Variants in COG4 observed in about 807,000 individuals in gnomAD.
The protein encoded by COG4 is component of oligomeric golgi complex 4, also known as conserved oligomeric Golgi complex subunit 4.
A neutral mutation model predicts 95.1 loss-of-function variants in COG4; 65 were observed. The ratio of observed to expected loss-of-function variants is 0.68; its 90% confidence interval spans 0.56 to 0.84. The LOEUF is 0.84. Among genes scored for constraint, COG4 ranks in the 40% least tolerant of loss-of-function variants. The pLI is 0.00. For missense variants in COG4, 1,045 were observed against 989.1 expected, an observed-to-expected ratio of 1.06 and a Z score of -0.76; for synonymous variants, 421 against 374.8, an observed-to-expected ratio of 1.12 and a Z score of -1.42.
intron 14 of COG4, 106 bp downstream of exon 14, chr16:70,483,747 C>T: frequency 2.2e-6 from 2 of 889,344 alleles, no homozygotes; most frequent in Non-Finnish European, 1.9e-6. Context: ...CGTGCTGCTC[C>T]CTCACCCGTC....
At position 70,506,582 on chromosome 16, in the gene COG4, C is replaced by T. The variant is rs557865668; in HGVS notation, c.1061+1824G>A. 6.2e-4 allele frequency among the ~76,000 whole-genome samples: 62 copies of T among 99,468 alleles called. 1 individual carries two copies. Among genetic ancestry groups the T allele is most frequent in the African/African-American group, 2.0e-3 (49 of 24,058 alleles). The allele number at this position is 99,468 out of a possible 152,430, so 65.3% of individuals were successfully genotyped here. ...CTGCACTCCAGCCTGGGCAACAGAG[C>T]GAGACTGCCTCAAAAAAAAAAAAAA... On this transcript the variant is annotated intron_variant, in intron 8 of 18. Transcript: ENST00000323786.
intron 13 of COG4, among the ~76,000 whole-genome samples, chr16:70,489,918 AG>A (rs1440507104): frequency 6.6e-6 from 1 of 152,108 alleles, no homozygotes; most frequent in Non-Finnish European, 1.5e-5. Flanking sequence ...CCCGGGTTCA[AG>A]TGATTCTCCT....
chr16:70,502,533 G>A (rs1230565136), intron 8 of COG4, among the ~76,000 whole-genome samples: 2 of 151,600 alleles, frequency 1.3e-5, no homozygotes, highest in South Asian at 2.1e-4. Context: ...CCCGAGAGGC[G>A]GAGGTTGCAG....
chr16:70,487,305 A>T (rs1363796585), intron 13 of COG4, among the ~76,000 whole-genome samples: 1 of 151,444 alleles, frequency 6.6e-6, no homozygotes, highest in African/African-American at 2.4e-5. Flanking sequence ...ATAAAAAAAA[A>T]AAAAGACAAG....
chr16:70,513,332 A>G (rs1421292709), intron 4 of COG4, among the ~76,000 whole-genome samples: 1 of 152,234 alleles, frequency 6.6e-6, no homozygotes, highest in South Asian at 2.1e-4. Context: ...TGAGTAGGCA[A>G]TATGGCCAAG....
At chr16:70,518,175 G>C (rs2151764587) in intron 2 of COG4, among the ~76,000 whole-genome samples, 1 of 152,164 alleles carries the variant, frequency 6.6e-6, no homozygotes, top group South Asian at 2.1e-4. Context: ...TTGTGATTCA[G>C]CCTCCCAAAG....
intron 8 of COG4, among the ~76,000 whole-genome samples, chr16:70,503,618 G>A (rs1487596451): frequency 4.6e-5 from 5 of 109,756 alleles, no homozygotes; most frequent in Admixed American, 1.6e-4. Context: ...TTTTTGAGAC[G>A]GAGTCTCACT....
At chr16:70,502,108 C>A (rs1328211264) in intron 8 of COG4, among the ~76,000 whole-genome samples, 3 of 149,756 alleles carry the variant, frequency 2.0e-5, no homozygotes, top group Non-Finnish European at 3.0e-5. Context: ...ATGGTGAAAC[C>A]CCATTTCTAC....
intron 8 of COG4, among the ~76,000 whole-genome samples, chr16:70,501,761 C>T (rs933306738): frequency 6.6e-6 from 1 of 152,040 alleles, no homozygotes; most frequent in African/African-American, 2.4e-5. Context: ...AAGTGAGTCT[C>T]ATGCCTTGGC....
Position 70,514,388 on chromosome 16 carries a change from C to T in COG4, c.491G>A (p.Arg164His), listed in dbSNP as rs1327159277. ...GACCGACTTGTCCAGGCACAAGTAG[C>T]GATGAGTATGTGCTGCAGCCTGCTC... is the stretch of plus-strand genomic sequence containing the variant. ...DYEQAAAHTH[R>H]YLCLDKSVIE... Residue 164 changes from arginine to histidine, a missense_variant, in exon 4 of 19, where the codon CGC (arginine) becomes CAC (histidine). Arg to His is a conservative substitution (Grantham distance 29). Coordinates refer to ENST00000323786, the MANE Select transcript of COG4 (RefSeq NM_015386.3). 5 of 1,614,032 alleles carry T rather than the reference C, an allele frequency of 3.1e-6. No homozygotes were observed. The highest frequency in any genetic ancestry group is 1.7e-5 in the Admixed American group (1 of 59,992).
At position 70,490,321 on chromosome 16, in the gene COG4, C is replaced by T. The variant is rs1444567709; in HGVS notation, c.1710+9G>A. On this transcript the variant is annotated intron_variant, in intron 13 of 18. Transcript: ENST00000323786. ...GCTGCTGACCACTGATAGGCAATTTCCCTCGTACCTCCAGTGTCTTCTTCA... is the reference window on the plus strand; with the variant it reads ...GCTGCTGACCACTGATAGGCAATTTTCCTCGTACCTCCAGTGTCTTCTTCA... The T allele has an allele frequency of 6.2e-7, 1 of 1,611,890 alleles. No individual in the cohort carries two copies.
chr16:70,509,592 TTTGGTAAGTTACA>T (rs1389804593), intron 6 of COG4, among the ~76,000 whole-genome samples: 1 of 152,172 alleles, frequency 6.6e-6, no homozygotes, highest in East Asian at 1.9e-4. Flanking sequence ...CCAGCAGGCA[TTTGGTAAGTTACA>T]TTGATACTGT....
rs898289918 is a variant in COG4 at position 70,502,491 on chromosome 16, C to T, written c.1062-1400G>A. 2.1e-5 allele frequency among the ~76,000 whole-genome samples: 3 copies of T among 146,182 alleles called. No individual in the cohort carries two copies. The Admixed American group carries it at 2.1e-4, about 10-fold the overall frequency. On this transcript the variant is annotated intron_variant, in intron 8 of 18. Transcript: ENST00000323786. ...TGGCACATGCCTGTGATCCCAGCTA[C>T]TAGGGAGGCTGAGGCGGGAGAGTCG...
At chr16:70,493,885 G>C (rs2049292262) in intron 12 of COG4, among the ~76,000 whole-genome samples, 1 of 152,164 alleles carries the variant, frequency 6.6e-6, no homozygotes. Flanking sequence ...CTGGTGGCAT[G>C]ATGAGGAAGG....
At chr16:70,511,474 GGAGGCT>G (rs1278099698) in intron 5 of COG4, among the ~76,000 whole-genome samples, 1 of 152,070 alleles carries the variant, frequency 6.6e-6, no homozygotes, top group Non-Finnish European at 1.5e-5. Context: ...CAGGACTTTG[GGAGGCT>G]GAGGTGGGAG....
rs890679995 is a variant in COG4, at chr16:70,481,636, G to A, written c.2106+128C>T. On this transcript the variant is annotated intron_variant, in intron 17 of 18. Coordinates refer to ENST00000323786, the MANE Select transcript of COG4 (RefSeq NM_015386.3). Reference sequence around the variant, plus strand: ...TCTACGGCTTCAGAAGCCAGAGCAGGACTGGACCCAGACATGCAGGGCCTG... The same window carrying A: ...TCTACGGCTTCAGAAGCCAGAGCAGAACTGGACCCAGACATGCAGGGCCTG... 8 of 1,384,784 alleles carry A rather than the reference G, an allele frequency of 5.8e-6. No individual in the cohort carries two copies. The East Asian group carries it at 1.9e-4, about 33-fold the overall frequency. The allele number at this position is 1,384,784 out of a possible 1,614,324, so 85.8% of individuals were successfully genotyped here. A position where few individuals can be genotyped will look rare whatever the true frequency, so the allele number is the denominator to read the frequency against.
chr16:70,484,387 C>T (rs2049084933), intron 13 of COG4, among the ~76,000 whole-genome samples: 1 of 152,210 alleles, frequency 6.6e-6, no homozygotes, highest in South Asian at 2.1e-4. Context: ...CAATGCCTGG[C>T]ACAGGAGACA....
intron 3 of COG4, 122 bp downstream of exon 3, chr16:70,517,504 C>T (rs2049845971): frequency 3.1e-6 from 2 of 654,918 alleles, no homozygotes; most frequent in East Asian, 5.5e-5. Context: ...GGGAGAATTG[C>T]TTGAGCCCAG....
chr16:70,517,579 C>T (rs756611156), intron 3 of COG4, 47 bp downstream of exon 3: 3 of 1,116,180 alleles, frequency 2.7e-6, no homozygotes, highest in African/African-American at 3.7e-5. Flanking sequence ...CAGAGCAAGA[C>T]CCTGTCTCAA....
Sources: gnomAD v4.1 joint callset for allele counts (sites outside exome capture counted in the v4.1 genomes callset) on GRCh38, gnomAD v4.1.1 for gene constraint, MANE v1.5 for transcripts, NCBI Gene and HGNC (gene_info 2026-07-23, HGNC 2026-07-21) for gene names.